Variants in GOLGA6L9 observed in about 807,000 individuals in gnomAD.
The protein encoded by GOLGA6L9 is golgin subfamily A member 6-like protein 9.
GOLGA6L9 carries 19 observed loss-of-function variants against 51.3 expected under a neutral mutation model. The observed-to-expected ratio is 0.37, with a 90% CI of 0.26 to 0.54. GOLGA6L9 has a LOEUF of 0.54. Ranked by LOEUF, GOLGA6L9 falls within the 20% of genes least tolerant of loss-of-function variation. GOLGA6L9 has a pLI of 0.83. For missense variants in GOLGA6L9, 247 were observed against 464.1 expected (o/e 0.53, Z 4.30); for synonymous variants, 97 against 184.2 (o/e 0.53, Z 3.83).
upstream of GOLGA6L9, among the ~76,000 whole-genome samples, chr15:82,429,604 T>C (rs1416677736): frequency 7.2e-5 from 11 of 152,154 alleles, no homozygotes; most frequent in Non-Finnish European, 1.5e-4. Context: ...ATACTTGTAA[T>C]TCTTGTGCTC....
Position 82,429,893 on chromosome 15 carries a change from A to G in GOLGA6L9, c.-187A>G, listed in dbSNP as rs1314504848. ...CTTATGATGCTACAGGTCCCTCTGGACATGCTGCGCCTGGCCACGCCTCCT... is the reference window on the plus strand; with the variant it reads ...CTTATGATGCTACAGGTCCCTCTGGGCATGCTGCGCCTGGCCACGCCTCCT... On this transcript the variant is annotated 5_prime_UTR_variant, in exon 1 of 9. Coordinates refer to ENST00000618348, the MANE Select transcript of GOLGA6L9 (RefSeq NM_198181.4). The G allele has an allele frequency of 3.9e-6, 3 of 773,796 alleles. No individual in the cohort carries two copies. The highest frequency in any genetic ancestry group is 1.7e-5 in the African/African-American group (1 of 58,128). 47.9% of individuals were successfully genotyped at this position (773,796 alleles called of 1,614,324 possible). A position where few individuals can be genotyped will look rare whatever the true frequency, so the allele number is the denominator to read the frequency against.
intron 4 of GOLGA6L9, 92 bp downstream of exon 4, chr15:82,432,989 T>A: frequency 1.5e-6 from 2 of 1,322,050 alleles, no homozygotes; most frequent in Admixed American, 3.6e-5. Context: ...TAGGGGCCCC[T>A]GATGCCAAGG....
upstream of GOLGA6L9, among the ~76,000 whole-genome samples, chr15:82,429,486 G>C (rs1466259784): frequency 6.6e-6 from 1 of 152,204 alleles, no homozygotes; most frequent in East Asian, 1.9e-4. Flanking sequence ...AGAAATTGTT[G>C]TGATTATTCT....
At chr15:82,429,294 C>T (rs2031311997), upstream of GOLGA6L9, among the ~76,000 whole-genome samples, 7 of 152,222 alleles carry the variant, frequency 4.6e-5, no homozygotes, top group South Asian at 1.5e-3. Flanking sequence ...AGGCTGGTCT[C>T]GAACTCCTGA....
At chr15:82,429,561 C>T (rs1461036909), upstream of GOLGA6L9, among the ~76,000 whole-genome samples, 2 of 152,030 alleles carry the variant, frequency 1.3e-5, no homozygotes, top group African/African-American at 4.8e-5. Flanking sequence ...ATGGATTTTC[C>T]ATTTTTATAG....
Position 82,429,921 on chromosome 15 carries a change from C to T in GOLGA6L9, c.-159C>T. ...TGCTGCGCCTGGCCACGCCTCCTTT[C>T]CCTTTCATCTTTCTCACTGACCAAT... is the stretch of plus-strand genomic sequence containing the variant. On this transcript the variant is annotated 5_prime_UTR_variant, in exon 1 of 9. Transcript: ENST00000618348. 1 of 920,880 alleles carries T rather than the reference C, an allele frequency of 1.1e-6. No homozygotes were observed. Among genetic ancestry groups the T allele is most frequent in the Non-Finnish European group, 1.8e-6 (1 of 556,512 alleles). The allele number at this position is 920,880 out of a possible 1,614,324, so 57.0% of individuals were successfully genotyped here.
At position 82,434,284 on chromosome 15, in the gene GOLGA6L9, G is replaced by C; in HGVS notation, c.684G>C (p.Arg228Ser). 1 of 1,552,696 alleles carries C rather than the reference G, an allele frequency of 6.4e-7. No homozygotes were observed. Among genetic ancestry groups the C allele is most frequent in the South Asian group, 1.2e-5 (1 of 85,178 alleles). The change falls in exon 6 of 9, where the codon AGG (arginine) becomes AGC (serine). Residue 228 changes from arginine (R) to serine (S), a missense_variant. Physicochemically the swap from Arg to Ser is moderately radical, Grantham distance 110. Transcript: ENST00000618348. ...AGAGGCTGTGTGAACAGGAGGAGAG[G>C]CTACGTGAACAGGAGGAGAGGCTGT... ...QEERLCEQEE[R>S]LREQEERLCE...
chr15:82,419,902 T>C, the GOLGA6L9 span: 1 of 229,682 alleles, frequency 4.4e-6, no homozygotes, highest in South Asian at 8.3e-5. Context: ...TGTTAAGTTA[T>C]ATGCCATTTG....
chr15:82,420,496 A>G, the GOLGA6L9 span, among the ~76,000 whole-genome samples: 1 of 152,096 alleles, frequency 6.6e-6, no homozygotes, highest in Non-Finnish European at 1.5e-5. Flanking sequence ...CTCTGTGCCT[A>G]TGCTTACCAA....
At position 82,434,197 on chromosome 15, in the gene GOLGA6L9, G is replaced by C; in HGVS notation, c.597G>C (p.Glu199Asp). ...MLSLLNRRQE[E>D]RLREQEERLR... ...GTCTCCTGAACAGGAGACAGGAGGA[G>C]AGGCTACGTGAACAGGAGGAGAGGC... Residue 199 changes from glutamate to aspartate, a missense_variant, in exon 6 of 9, where the codon GAG (glutamate) becomes GAC (aspartate). This residue lies in a region of GOLGA6L9 where 66 missense variants were observed against 66.2 expected (regional missense o/e 1.00). Transcript: ENST00000618348. 2 of 1,554,892 alleles carry C rather than the reference G, an allele frequency of 1.3e-6. No homozygotes were observed. Among genetic ancestry groups the C allele is most frequent in the Non-Finnish European group, 8.6e-7 (1 of 1,157,790 alleles).
the GOLGA6L9 span, among the ~76,000 whole-genome samples, chr15:82,420,808 G>T: frequency 4.6e-5 from 7 of 152,050 alleles, no homozygotes; most frequent in Non-Finnish European, 4.4e-5. Flanking sequence ...TCCAAAGCCA[G>T]AGGGGTTTTT....
chr15:82,432,924 T>G, intron 4 of GOLGA6L9, 27 bp downstream of exon 4: 1 of 1,597,970 alleles, frequency 6.3e-7, no homozygotes, highest in East Asian at 2.2e-5. Flanking sequence ...GTCCCCTGAT[T>G]ACAGCTGGTC....
At chr15:82,427,621 G>A (rs1421965841), upstream of GOLGA6L9, among the ~76,000 whole-genome samples, 8 of 151,718 alleles carry the variant, frequency 5.3e-5, no homozygotes, top group African/African-American at 1.5e-4. Context: ...TGAACTCCTC[G>A]CCTCAAGCAA....
At position 82,438,609 on chromosome 15, in the gene GOLGA6L9, G is replaced by A. The variant is rs1296770338; in HGVS notation, c.*2198G>A. The A allele has an allele frequency of 7.3e-6, 1 of 137,902 alleles. No individual in the cohort carries two copies. The highest frequency in any genetic ancestry group is 1.6e-5 in the Non-Finnish European group (1 of 64,222). The allele number at this position is 137,902 out of a possible 1,614,324, so 8.5% of individuals were successfully genotyped here. ...GCAGGAACATAGAATTTTAAAATGT[G>A]ACTTCAACTGAATAAATTTGAATTT... On this transcript the variant is annotated 3_prime_UTR_variant, in exon 9 of 9. Transcript: ENST00000618348.
At chr15:82,416,211 G>A in the GOLGA6L9 span, among the ~76,000 whole-genome samples, 4 of 152,254 alleles carry the variant, frequency 2.6e-5, no homozygotes, top group South Asian at 4.1e-4. Context: ...CAGAGTATAC[G>A]AAACCAATTT....
At chr15:82,424,325 G>A in the GOLGA6L9 span, among the ~76,000 whole-genome samples, 1 of 151,856 alleles carries the variant, frequency 6.6e-6, no homozygotes, top group Non-Finnish European at 1.5e-5. Flanking sequence ...GCCCACCTTG[G>A]CCTCCCAGAG....
chr15:82,430,094 C>A lies in GOLGA6L9; in HGVS notation c.15C>A (p.Pro5=). The A allele has an allele frequency of 1.4e-6, 1 of 738,234 alleles. No homozygotes were observed. Among genetic ancestry groups the A allele is most frequent in the Non-Finnish European group, 2.3e-6 (1 of 426,278 alleles). The allele number at this position is 738,234 out of a possible 1,614,324, so 45.7% of individuals were successfully genotyped here. The change falls in exon 1 of 9, where the codon CCC becomes CCA. Residue 5 remains proline (P), a synonymous_variant. Coordinates refer to ENST00000618348, the MANE Select transcript of GOLGA6L9 (RefSeq NM_198181.4). ...GTATTTCGCTGATGTGGCCCCAACC[C>A]CGCCTCCCTCCCCACCCCGCGATGT... The part of the protein sequence containing the change: MWPQ[P]RLPPHPAMSE...
the GOLGA6L9 span, among the ~76,000 whole-genome samples, chr15:82,416,315 G>C: frequency 1.3e-5 from 2 of 152,194 alleles, no homozygotes; most frequent in East Asian, 3.8e-4. Context: ...CTGTGGATTG[G>C]TGACAGATTT....
chr15:82,438,520 A>G lies in GOLGA6L9; in HGVS notation c.*2109A>G, dbSNP rs17143651. The G allele has an allele frequency of 1.3e-5, 2 of 150,050 alleles. No individual in the cohort carries two copies. Among genetic ancestry groups the G allele is most frequent in the Admixed American group, 6.7e-5 (1 of 14,994 alleles). The allele number at this position is 150,050 out of a possible 1,614,324, so 9.3% of individuals were successfully genotyped here. ...TCATTCAGCCAAGTATTTGTTCTCT[A>G]CCTCATTCAGTATAAGGCAGCCTTT... On this transcript the variant is annotated 3_prime_UTR_variant, in exon 9 of 9. Coordinates refer to ENST00000618348, the MANE Select transcript of GOLGA6L9 (RefSeq NM_198181.4).
Sources: allele counts gnomAD v4.1 joint callset (sites outside exome capture counted in the v4.1 genomes callset), GRCh38; gene constraint gnomAD v4.1.1; regional missense constraint gnomAD v4.1.1; transcripts MANE v1.5; gene names NCBI Gene and HGNC (gene_info 2026-07-23, HGNC 2026-07-21).